The following DSCAM variants were observed in gnomAD, a reference collection of about 807,000 sequenced individuals.
DSCAM encodes cell adhesion molecule DSCAM.
In DSCAM, 47 loss-of-function variants were observed where a neutral mutation model predicts 217.7. The observed-to-expected ratio is 0.22, with a 90% CI of 0.17 to 0.28. DSCAM has a LOEUF of 0.28. Ranked by LOEUF, DSCAM falls within the 10% of genes least tolerant of loss-of-function variation. DSCAM has a pLI of 1.00. For synonymous variants in DSCAM, 1,056 were observed against 1,015.3 expected, an observed-to-expected ratio of 1.04 and a Z score of -0.76; for missense variants, 2,080 against 2,618.3, an observed-to-expected ratio of 0.79 and a Z score of 4.49.
chr21:40,039,309 C>A (rs568826927), intron 32 of DSCAM, among the ~76,000 whole-genome samples: 308 of 133,550 alleles, frequency 2.3e-3, no homozygotes, highest in African/African-American at 7.7e-3. Flanking sequence ...AAATAAAAAT[C>A]AAAAAAAAAA....
chr21:40,026,911 C>CTGTCATTATGA (rs2088399128), intron 32 of DSCAM, among the ~76,000 whole-genome samples: 1 of 152,288 alleles, frequency 6.6e-6, no homozygotes, highest in Non-Finnish European at 1.5e-5. Context: ...GTATTTGATC[C>CTGTCATTATGA]TGTCATTATG....
chr21:40,258,308 C>T (rs1456066281), intron 11 of DSCAM, among the ~76,000 whole-genome samples: 1 of 152,210 alleles, frequency 6.6e-6, no homozygotes, highest in African/African-American at 2.4e-5. Context: ...TGAGAACCTA[C>T]TACTTCCAAG....
At chr21:40,468,631 G>A (rs1009565406) in intron 3 of DSCAM, among the ~76,000 whole-genome samples, 3 of 152,088 alleles carry the variant, frequency 2.0e-5, no homozygotes, top group African/African-American at 7.2e-5. Flanking sequence ...CTCGTGCCCC[G>A]CCTGCACATT....
chr21:40,490,161 G>C (rs540187954), intron 3 of DSCAM, among the ~76,000 whole-genome samples: 14 of 152,100 alleles, frequency 9.2e-5, no homozygotes, highest in Non-Finnish European at 1.5e-4. Flanking sequence ...TCATTATCAT[G>C]AGAACAGCCC....
chr21:40,689,804 T>C (rs1393146956), intron 3 of DSCAM, among the ~76,000 whole-genome samples: 1 of 152,168 alleles, frequency 6.6e-6, no homozygotes, highest in Admixed American at 6.5e-5. Context: ...CAGAGACAAA[T>C]TAACCTTTTA....
chr21:40,601,990 G>C (rs959029980), intron 3 of DSCAM, among the ~76,000 whole-genome samples: 4 of 144,154 alleles, frequency 2.8e-5, no homozygotes, highest in African/African-American at 7.7e-5. Flanking sequence ...GTCTTTATCT[G>C]TTTTGGTTTT....
intron 14 of DSCAM, among the ~76,000 whole-genome samples, chr21:40,182,620 GCC>G (rs2090825967): frequency 7.4e-6 from 1 of 135,364 alleles, no homozygotes; most frequent in African/African-American, 3.2e-5. Context: ...GACAGAACGG[GCC>G]ACCAGAGAAA....
chr21:40,402,899 A>G (rs1377047513), intron 3 of DSCAM, among the ~76,000 whole-genome samples: 4 of 152,320 alleles, frequency 2.6e-5, no homozygotes, highest in South Asian at 2.1e-4. Context: ...ATTTCTTTGT[A>G]TTACTTAAGA....
At chr21:40,378,351 A>G (rs2074983738) in intron 3 of DSCAM, among the ~76,000 whole-genome samples, 1 of 152,158 alleles carries the variant, frequency 6.6e-6, no homozygotes, top group Non-Finnish European at 1.5e-5. Flanking sequence ...TATGGGAAAT[A>G]AAAACCTCTA....
At chr21:40,041,233 GAAAC>G (rs1210738934) in intron 32 of DSCAM, among the ~76,000 whole-genome samples, 2 of 152,138 alleles carry the variant, frequency 1.3e-5, no homozygotes, top group Non-Finnish European at 2.9e-5. Context: ...GGTAAAATGA[GAAAC>G]AAAACTGGAT....
chr21:40,576,761 G>T (rs577770869), intron 3 of DSCAM, among the ~76,000 whole-genome samples: 1 of 151,886 alleles, frequency 6.6e-6, no homozygotes, highest in African/African-American at 2.4e-5. Context: ...ACAATGAAAA[G>T]ATATAAATGC....
rs73906394 is a variant in DSCAM at position 40,062,126 on chromosome 21, G to A, written c.4919+743C>T. ...ACAAGAAAACTGAACATTTGAAGAG[G>A]GGGACTGGGTGGAAAATAGAGTTTG... On this transcript the variant is annotated intron_variant, in intron 28 of 32. Coordinates refer to ENST00000400454, the MANE Select transcript of DSCAM (RefSeq NM_001389.5). 9.5e-3 allele frequency among the ~76,000 whole-genome samples: 1,441 copies of A among 152,322 alleles called. 24 individuals are homozygous for A. Among genetic ancestry groups the A allele is most frequent in the African/African-American group, 0.033 (1,375 of 41,554 alleles).
At position 40,055,829 on chromosome 21, in the gene DSCAM, C is replaced by T. The variant is rs756021849; in HGVS notation, c.4931G>A (p.Arg1644Gln). The T allele has an allele frequency of 1.4e-5, 22 of 1,612,850 alleles. No homozygotes were observed. The highest frequency in any genetic ancestry group is 2.2e-5 in the South Asian group (2 of 91,044). ...TTGCTTGCTTAACGTATCTGAAGTC[C>T]GGGTATTCTTACTGGGAATAAAATG... ...LAEMLMSKNTRTSDTLSKQQQ... is the reference protein window; with the variant it reads ...LAEMLMSKNTQTSDTLSKQQQ... Residue 1644 changes from arginine to glutamine, a missense_variant, in exon 29 of 33, where the codon CGG becomes CAG. This residue lies in a region of DSCAM where 1,144 missense variants were observed against 1,421.1 expected (regional missense o/e 0.81). Coordinates refer to ENST00000400454, the MANE Select transcript of DSCAM (RefSeq NM_001389.5).
chr21:40,432,821 G>C (rs2075547297), intron 3 of DSCAM, among the ~76,000 whole-genome samples: 1 of 152,116 alleles, frequency 6.6e-6, no homozygotes, highest in Non-Finnish European at 1.5e-5. Context: ...TGAGGAAACT[G>C]AGGCCCAGAG....
chr21:40,550,957 C>T (rs1406088446), intron 3 of DSCAM, among the ~76,000 whole-genome samples: 1 of 152,212 alleles, frequency 6.6e-6, no homozygotes, highest in Non-Finnish European at 1.5e-5. Flanking sequence ...GACTCAGCTA[C>T]TTGTTACAGT....
At chr21:40,716,600 C>T (rs1432079938) in intron 1 of DSCAM, among the ~76,000 whole-genome samples, 1 of 152,132 alleles carries the variant, frequency 6.6e-6, no homozygotes, top group African/African-American at 2.4e-5. Context: ...ACCAAGGCTC[C>T]ACTGACAAAC....
chr21:40,792,538 T>C (rs976689651), intron 1 of DSCAM, among the ~76,000 whole-genome samples: 1 of 152,044 alleles, frequency 6.6e-6, no homozygotes, highest in African/African-American at 2.4e-5. Flanking sequence ...ACATTAGGAG[T>C]TTACAGCTTC....
intron 1 of DSCAM, among the ~76,000 whole-genome samples, chr21:40,723,183 A>C (rs2146510810): frequency 6.6e-6 from 1 of 151,912 alleles, no homozygotes; most frequent in Admixed American, 6.6e-5. Context: ...TTGGAGGTTA[A>C]GAAACTGTGA....
intron 32 of DSCAM, among the ~76,000 whole-genome samples, chr21:40,014,772 T>G (rs761904012): frequency 1.3e-5 from 2 of 152,358 alleles, no homozygotes; most frequent in Non-Finnish European, 2.9e-5. Context: ...CTTGTGTGTC[T>G]AATCTGTCTT....
Sources: allele counts gnomAD v4.1 joint callset (sites outside exome capture counted in the v4.1 genomes callset), GRCh38; gene constraint gnomAD v4.1.1; regional missense constraint gnomAD v4.1.1; transcripts MANE v1.5; gene names NCBI Gene and HGNC (gene_info 2026-07-23, HGNC 2026-07-21).